Variants in CGREF1 observed in about 807,000 individuals in gnomAD.
The protein encoded by CGREF1 is cell growth regulator with EF hand domain protein 1.
A neutral mutation model predicts 17.4 loss-of-function variants in CGREF1; 16 were observed. The ratio of observed to expected loss-of-function variants is 0.92; its 90% CI spans 0.62 to 1.40. The LOEUF is 1.40. Among genes scored for constraint, CGREF1 ranks in the 40% most tolerant of loss-of-function variants. CGREF1 has a pLI of 0.00. For synonymous variants in CGREF1, 142 were observed against 154.6 expected (o/e 0.92, Z 0.61); for missense variants, 296 against 376.4 (o/e 0.79, Z 1.77).
intron 1 of CGREF1, among the ~76,000 whole-genome samples, chr2:27,108,105 G>A (rs906352713): frequency 1.3e-5 from 2 of 150,608 alleles, no homozygotes; most frequent in East Asian, 3.9e-4. Flanking sequence ...AAATACACAA[G>A]TTAGCTGGGC....
At position 27,100,887 on chromosome 2, in the gene CGREF1, C is replaced by G; in HGVS notation, c.*387G>C. On this transcript the variant is annotated 3_prime_UTR_variant, in exon 6 of 6. Coordinates refer to ENST00000402394, the MANE Select transcript of CGREF1 (RefSeq NM_006569.6). ...GGGGGAACCGGTGAGGGTTTGGGGC[C>G]CAGGGATAGACTGAGCTTTCCTCAC... The G allele has an allele frequency of 1.8e-6, 2 of 1,092,388 alleles. No homozygotes were observed. Among genetic ancestry groups the G allele is most frequent in the Non-Finnish European group, 2.2e-6 (2 of 896,302 alleles). 67.7% of individuals were successfully genotyped at this position (1,092,388 alleles called of 1,614,324 possible). A position where few individuals can be genotyped will look rare whatever the true frequency, so the allele number is the denominator to read the frequency against.
intron 1 of CGREF1, among the ~76,000 whole-genome samples, chr2:27,118,485 C>A (rs1049300432): frequency 6.6e-6 from 1 of 152,338 alleles, no homozygotes; most frequent in South Asian, 2.1e-4. Context: ...CAGCCTCGGG[C>A]CCTCCCCAGC....
At chr2:27,102,641 C>A (rs372781403) in intron 2 of CGREF1, 50 bp from the exon 3 acceptor site, 11 of 1,551,846 alleles carry the variant, frequency 7.1e-6, no homozygotes, top group South Asian at 1.1e-5. Context: ...CCCTCAGGGC[C>A]CAGCCTGCCA....
At chr2:27,099,972 T>G (rs537377728), downstream of CGREF1, 1 of 967,524 alleles carries the variant, frequency 1.0e-6, no homozygotes, top group African/African-American at 1.7e-5. Context: ...CAGAGCCAGC[T>G]TCTCCTCTCA....
intron 1 of CGREF1, among the ~76,000 whole-genome samples, chr2:27,111,787 A>C (rs1001352596): frequency 1.3e-5 from 2 of 151,840 alleles, no homozygotes; most frequent in Non-Finnish European, 2.9e-5. Flanking sequence ...GCCCACGCCC[A>C]CCCGGAACTC....
At chr2:27,102,331 T>C in intron 4 of CGREF1, 29 bp downstream of exon 4, 2 of 1,612,938 alleles carry the variant, frequency 1.2e-6, no homozygotes, top group African/African-American at 1.3e-5. Flanking sequence ...GAGCCTCCCG[T>C]CCCTGGCCCC....
At chr2:27,100,552 T>TAAAG (rs1397964282), downstream of CGREF1, 3 of 1,289,892 alleles carry the variant, frequency 2.3e-6, no homozygotes, top group African/African-American at 4.6e-5. Flanking sequence ...CCTTATAATG[T>TAAAG]AAAGAGCATA....
At chr2:27,104,771 G>T in intron 1 of CGREF1, 1 of 1,477,710 alleles carries the variant, frequency 6.8e-7, no homozygotes, top group Non-Finnish European at 9.0e-7. Context: ...TTAAGAAAAA[G>T]GCCAGGTAAG....
intron 1 of CGREF1, among the ~76,000 whole-genome samples, chr2:27,108,726 A>T (rs999033977): frequency 2.0e-5 from 3 of 152,244 alleles, no homozygotes; most frequent in African/African-American, 7.2e-5. Context: ...GTAATATAGT[A>T]TTTTAATGTG....
intron 1 of CGREF1, among the ~76,000 whole-genome samples, chr2:27,109,241 G>T (rs985682750): frequency 2.0e-5 from 3 of 151,886 alleles, no homozygotes; most frequent in Admixed American, 6.6e-5. Flanking sequence ...GCATGGTGGG[G>T]TGTGCCTGTA....
At chr2:27,116,855 CACCAG>C (rs1337290148) in intron 1 of CGREF1, among the ~76,000 whole-genome samples, 4 of 145,864 alleles carry the variant, frequency 2.7e-5, no homozygotes, top group Non-Finnish European at 4.5e-5. Context: ...AGGGATGAGC[CACCAG>C]GCCAGGCCTA....
At chr2:27,099,706 G>A, downstream of CGREF1, 1 of 1,614,124 alleles carries the variant, frequency 6.2e-7, no homozygotes, top group Non-Finnish European at 8.5e-7. Context: ...GTGCCAGGTG[G>A]CCGGCAAGAA....
chr2:27,105,546 C>T (rs201029912), intron 1 of CGREF1, among the ~76,000 whole-genome samples: 1 of 8,606 alleles, frequency 1.2e-4, no homozygotes, highest in East Asian at 0.038. Context: ...TGTCATTTTT[C>T]TTTTTTTTCT....
chr2:27,100,652 C>G lies in CGREF1; in HGVS notation c.*622G>C, dbSNP rs1670766554. 10 of 1,056,156 alleles carry G rather than the reference C, an allele frequency of 9.5e-6. No individual in the cohort carries two copies. The highest frequency in any genetic ancestry group is 1.2e-5 in the Non-Finnish European group (10 of 812,500). The allele number at this position is 1,056,156 out of a possible 1,614,324, so 65.4% of individuals were successfully genotyped here. ...TCACCTTAGGGTACAGCACTTAACG[C>G]AATCTGCCTCAATTTCTTCATCTGT... is the stretch of plus-strand genomic sequence containing the variant. On this transcript the variant is annotated 3_prime_UTR_variant, in exon 6 of 6. Transcript: ENST00000402394.
intron 2 of CGREF1, chr2:27,103,103 T>C: frequency 3.0e-6 from 3 of 985,314 alleles, no homozygotes; most frequent in Non-Finnish European, 3.6e-6. Context: ...CAGGATCTCG[T>C]TGTCAGTCTT....
intron 2 of CGREF1, 34 bp downstream of exon 2, chr2:27,104,253 C>T (rs1671029425): frequency 1.3e-6 from 2 of 1,522,834 alleles, no homozygotes; most frequent in Non-Finnish European, 1.8e-6. Context: ...TTCCCTCCTC[C>T]CAGCCCTTGG....
Position 27,107,484 on chromosome 2 carries a change from A to AT in CGREF1, c.-11-3108_-11-3107insA, listed in dbSNP as rs370460155. On this transcript the variant is annotated intron_variant, in intron 1 of 5. Coordinates refer to ENST00000402394, the MANE Select transcript of CGREF1 (RefSeq NM_006569.6). ...TGATCAGGCTGGTCTCAAACTCCTG[A>AT]CCTCATGATCTGCCCACCTTGGCCT... Among the ~76,000 whole-genome samples the AT allele has an allele frequency of 6.1e-3, 920 of 151,502 alleles. 7 individuals are homozygous for AT. The highest frequency in any genetic ancestry group is 0.01 in the Middle Eastern group (3 of 292).
At chr2:27,102,740 T>G in intron 2 of CGREF1, 149 bp from the exon 3 acceptor site, 1 of 970,476 alleles carries the variant, frequency 1.0e-6, no homozygotes, top group Non-Finnish European at 1.5e-6. Flanking sequence ...GTGGGGAGGC[T>G]CTTCTGGTCT....
At chr2:27,112,907 C>A (rs1671443168) in intron 1 of CGREF1, among the ~76,000 whole-genome samples, 1 of 152,176 alleles carries the variant, frequency 6.6e-6, no homozygotes, top group Non-Finnish European at 1.5e-5. Flanking sequence ...CCCGGGTCCC[C>A]AGAAGGGTGG....
Sources: allele counts gnomAD v4.1 joint callset (sites outside exome capture counted in the v4.1 genomes callset), GRCh38; gene constraint gnomAD v4.1.1; transcripts MANE v1.5; gene names NCBI Gene and HGNC (gene_info 2026-07-23, HGNC 2026-07-21).